Variants in LAMA2 observed in about 807,000 individuals in gnomAD.
LAMA2 encodes the protein laminin subunit alpha-2.
In LAMA2, 269 loss-of-function variants were observed where a neutral mutation model predicts 364.8. The ratio of observed to expected loss-of-function variants is 0.74; its 90% CI spans 0.67 to 0.82. The LOEUF (loss-of-function observed/expected upper bound fraction) is 0.82. LAMA2 is among the 40% of genes least tolerant of loss of function. LAMA2 has a pLI of 0.00. For synonymous variants in LAMA2, 1,379 were observed against 1,370.6 expected, an observed-to-expected ratio of 1.01 and a Z score of -0.14; for missense variants, 3,807 against 3,873.2, an observed-to-expected ratio of 0.98 and a Z score of 0.45.
At chr6:128,939,476 A>G (rs1403570995) in intron 1 of LAMA2, among the ~76,000 whole-genome samples, 1 of 152,154 alleles carries the variant, frequency 6.6e-6, no homozygotes, top group Non-Finnish European at 1.5e-5. Flanking sequence ...CAATTCATTT[A>G]CTTTCTTTTT....
At chr6:128,956,920 CA>C (rs1179768380) in intron 1 of LAMA2, among the ~76,000 whole-genome samples, 3 of 151,984 alleles carry the variant, frequency 2.0e-5, no homozygotes, top group African/African-American at 7.2e-5. Flanking sequence ...CTCTCTGAGA[CA>C]CACTGCATGG....
At chr6:129,305,375 A>G (rs982630408) in intron 22 of LAMA2, among the ~76,000 whole-genome samples, 1 of 151,368 alleles carries the variant, frequency 6.6e-6, no homozygotes, top group Admixed American at 6.6e-5. Flanking sequence ...CCCAGGCTAG[A>G]GTGCAGTGGT....
intron 7 of LAMA2, among the ~76,000 whole-genome samples, chr6:129,150,670 T>C (rs1158204564): frequency 6.6e-6 from 1 of 152,202 alleles, no homozygotes; most frequent in Non-Finnish European, 1.5e-5. Context: ...TTTCTTTCCC[T>C]GTAGGGAAGA....
At chr6:128,988,402 A>C (rs960667378) in intron 1 of LAMA2, among the ~76,000 whole-genome samples, 1 of 151,022 alleles carries the variant, frequency 6.6e-6, no homozygotes, top group African/African-American at 2.4e-5. Flanking sequence ...ACTTTTAGGT[A>C]AAAAAAAATA....
At chr6:129,424,925 T>C (rs892856851) in intron 40 of LAMA2, among the ~76,000 whole-genome samples, 2 of 151,992 alleles carry the variant, frequency 1.3e-5, no homozygotes, top group African/African-American at 4.8e-5. Context: ...CATATCCCTA[T>C]GATGAAATAA....
At chr6:129,440,579 T>C (rs1281837145) in intron 42 of LAMA2, among the ~76,000 whole-genome samples, 1 of 152,092 alleles carries the variant, frequency 6.6e-6, no homozygotes, top group East Asian at 1.9e-4. Context: ...ACATTTAGAA[T>C]AGTCACGTCA....
At chr6:128,993,439 CATATT>C (rs1308233167) in intron 1 of LAMA2, among the ~76,000 whole-genome samples, 4 of 152,078 alleles carry the variant, frequency 2.6e-5, no homozygotes, top group Non-Finnish European at 4.4e-5. Flanking sequence ...AGATTTTAGA[CATATT>C]ATATTGAGAG....
chr6:129,202,187 C>CA (rs776190977), intron 12 of LAMA2, among the ~76,000 whole-genome samples: 16,704 of 62,014 alleles, frequency 0.27, 2,235 homozygotes, highest in Non-Finnish European at 0.34. Context: ...GAGTCTGTCT[C>CA]AAAAAAAAAA....
chr6:129,481,908 A>G (rs1562604392), intron 55 of LAMA2, among the ~76,000 whole-genome samples: 1 of 152,186 alleles, frequency 6.6e-6, no homozygotes, highest in Non-Finnish European at 1.5e-5. Context: ...CTCTCTGGAC[A>G]CAAAGAAGGG....
At chr6:128,995,278 G>A (rs1783856830) in intron 1 of LAMA2, among the ~76,000 whole-genome samples, 1 of 152,094 alleles carries the variant, frequency 6.6e-6, no homozygotes, top group African/African-American at 2.4e-5. Context: ...GCTGAGGTTT[G>A]GAGTACAAAT....
chr6:129,165,406 G>T (rs1481698636), intron 8 of LAMA2, among the ~76,000 whole-genome samples, 170 bp from the exon 9 acceptor site: 2 of 152,018 alleles, frequency 1.3e-5, no homozygotes, highest in Non-Finnish European at 2.9e-5. Flanking sequence ...GCATGTAAAA[G>T]AACTGGATTT....
chr6:129,122,017 TA>T (rs1425113541), intron 4 of LAMA2, among the ~76,000 whole-genome samples: 2 of 152,210 alleles, frequency 1.3e-5, no homozygotes, highest in Non-Finnish European at 2.9e-5. Context: ...AGCTCACTCT[TA>T]AAATTATGTG....
At chr6:129,061,494 A>C (rs1374570896) in intron 3 of LAMA2, among the ~76,000 whole-genome samples, 1 of 152,188 alleles carries the variant, frequency 6.6e-6, no homozygotes, top group African/African-American at 2.4e-5. Context: ...CGCAACCACA[A>C]GTTTTTACTA....
At chr6:129,356,765 A>C (rs1777174510) in intron 32 of LAMA2, among the ~76,000 whole-genome samples, 1 of 152,108 alleles carries the variant, frequency 6.6e-6, no homozygotes, top group Non-Finnish European at 1.5e-5. Flanking sequence ...AAAATTACAA[A>C]ATGAGAAATT....
intron 40 of LAMA2, among the ~76,000 whole-genome samples, chr6:129,426,599 G>A (rs898459481): frequency 2.0e-5 from 3 of 152,018 alleles, no homozygotes; most frequent in African/African-American, 7.2e-5. Flanking sequence ...AATTTGCCAA[G>A]GTTGTCTTTT....
chr6:129,260,687 C>T (rs762028199), intron 14 of LAMA2, 24 bp from the exon 15 acceptor site: 1 of 1,375,152 alleles, frequency 7.3e-7, no homozygotes, highest in South Asian at 1.2e-5. Context: ...ACTTATTCAC[C>T]ATCTCTTTTT....
chr6:129,456,019 C>T (rs974291722), intron 47 of LAMA2, among the ~76,000 whole-genome samples: 1 of 152,086 alleles, frequency 6.6e-6, no homozygotes, highest in African/African-American at 2.4e-5. Context: ...AAAGGCTTTC[C>T]ACTTAACCAA....
intron 43 of LAMA2, 143 bp from the exon 44 acceptor site, chr6:129,442,920 C>A: frequency 1.7e-6 from 1 of 589,106 alleles, no homozygotes. Flanking sequence ...ACAATTGCTT[C>A]AGTTAAAATG....
At chr6:129,210,404 A>G (rs1205946150) in intron 12 of LAMA2, among the ~76,000 whole-genome samples, 1 of 62,018 alleles carries the variant, frequency 1.6e-5, no homozygotes, top group Non-Finnish European at 2.8e-5. Flanking sequence ...ATGTGCACGC[A>G]CACACACACA....
Sources: gnomAD v4.1 joint callset for allele counts (sites outside exome capture counted in the v4.1 genomes callset) on GRCh38, gnomAD v4.1.1 for gene constraint, MANE v1.5 for transcripts, NCBI Gene and HGNC (gene_info 2026-07-23, HGNC 2026-07-21) for gene names.